Variants in SPATA13 observed in about 807,000 individuals in gnomAD.
SPATA13 encodes the protein spermatogenesis-associated protein 13.
In SPATA13, 50 loss-of-function variants were observed where a neutral mutation model predicts 104.0. The ratio of observed to expected loss-of-function variants is 0.48; its 90% CI spans 0.38 to 0.61. The LOEUF (loss-of-function observed/expected upper bound fraction) is 0.61, where lower values mean the gene tolerates loss of function less well. Among genes scored for constraint, SPATA13 ranks in the 20% least tolerant of loss-of-function variants. The pLI, the probability that SPATA13 is intolerant of heterozygous loss-of-function variation, is 0.00. For synonymous variants in SPATA13, 606 were observed against 667.5 expected, an observed-to-expected ratio of 0.91 and a Z score of 1.42; for missense variants, 1,524 against 1,690.6, an observed-to-expected ratio of 0.90 and a Z score of 1.73.
intron 2 of SPATA13, among the ~76,000 whole-genome samples, chr13:24,241,740 G>A (rs1449991313): frequency 6.6e-6 from 1 of 152,218 alleles, no homozygotes; most frequent in Non-Finnish European, 1.5e-5. Context: ...AAAGCAAAAG[G>A]CAGCTTTAGA....
intron 3 of SPATA13, among the ~76,000 whole-genome samples, chr13:24,131,618 G>C (rs1242404484): frequency 2.0e-5 from 3 of 152,226 alleles, no homozygotes; most frequent in Non-Finnish European, 4.4e-5. Context: ...CCATGTACTT[G>C]AAGTGGAAAA....
At chr13:24,109,433 C>T (rs1880565674) in intron 3 of SPATA13, among the ~76,000 whole-genome samples, 1 of 152,044 alleles carries the variant, frequency 6.6e-6, no homozygotes, top group Non-Finnish European at 1.5e-5. Flanking sequence ...GTCAATGTGT[C>T]TTTATAGTGC....
Position 24,080,767 on chromosome 13 carries a change from C to T in SPATA13, c.-112+63066C>T, listed in dbSNP as rs191165365. On this transcript the variant is annotated intron_variant, in intron 3 of 14. Coordinates refer to the SPATA13 transcript ENST00000424834. ...CTTCTGTGCCCTATGGCATGTGGAA[C>T]GTCCATCGCACATGTTAATGTTGTG... Among the ~76,000 whole-genome samples the T allele has an allele frequency of 1.4e-3, 209 of 152,304 alleles. 1 individual carries two copies. Among genetic ancestry groups the T allele is most frequent in the Middle Eastern group, 3.4e-3 (1 of 294 alleles).
rs1241908164 is a variant in SPATA13 at position 24,223,202 on chromosome 13, C to A, written c.273C>A (p.His91Gln). The change falls in exon 2 of 13, where the codon CAC becomes CAA. Residue 91 changes from histidine (H) to glutamine (Q), a missense_variant. By Grantham distance (24) the His-to-Gln change is conservative. Around this residue, in one of 2 missense-constraint regions of SPATA13, gnomAD observed 1,089 missense variants for 1,135.9 expected, o/e 0.96. Coordinates refer to ENST00000382108, the MANE Select transcript of SPATA13 (RefSeq NM_001166271.3). The stretch of plus-strand genomic sequence containing the variant: ...CGGGTGCCCACCCCGAGCGGCCCCA[C>A]TCCATGGTCCTGGTGGGGAACTCCT... The part of the protein sequence containing the change: ...KRTGAHPERP[H>Q]SMVLVGNSST... 2 of 1,551,724 alleles carry A rather than the reference C, an allele frequency of 1.3e-6. No homozygotes were observed. The highest frequency in any genetic ancestry group is 1.7e-6 in the Non-Finnish European group (2 of 1,147,012).
intron 1 of SPATA13, among the ~76,000 whole-genome samples, chr13:24,198,207 C>A (rs189857467): frequency 2.5e-4 from 38 of 152,208 alleles, no homozygotes; most frequent in East Asian, 1.2e-3. Flanking sequence ...GTTGGCCAGG[C>A]TGGTCTTGAA....
chr13:24,194,325 G>A (rs1028227022), intron 1 of SPATA13, among the ~76,000 whole-genome samples: 1 of 152,182 alleles, frequency 6.6e-6, no homozygotes, highest in Non-Finnish European at 1.5e-5. Context: ...AGTTAGCGCC[G>A]TTCAATCATC....
At chr13:24,256,871 C>G (rs1873816613) in intron 4 of SPATA13, among the ~76,000 whole-genome samples, 3 of 152,242 alleles carry the variant, frequency 2.0e-5, no homozygotes, top group Admixed American at 2.0e-4. Flanking sequence ...GTAAACACCA[C>G]TGCATTGTTG....
chr13:24,294,651 T>C, intron 9 of SPATA13, 88 bp from the exon 10 acceptor site: 2 of 1,427,840 alleles, frequency 1.4e-6, no homozygotes, highest in Non-Finnish European at 1.9e-6. Context: ...AGCATTCGTA[T>C]ACGAAGAAGC....
intron 3 of SPATA13, among the ~76,000 whole-genome samples, chr13:24,042,905 G>A (rs570648652): frequency 1.3e-5 from 2 of 152,314 alleles, no homozygotes; most frequent in Admixed American, 1.3e-4. Flanking sequence ...CCTACTGTCT[G>A]TTTAGATTTA....
rs1877393442 is a variant in SPATA13 at position 24,303,897 on chromosome 13, C to T, written c.*1124C>T. ...CTCCAGCCTGGGAGATACAGCGAGA[C>T]TGTCTCCAAAAACAAAAACAAAAAC... On this transcript the variant is annotated 3_prime_UTR_variant, in exon 13 of 13. Transcript: ENST00000382108. 1 of 152,242 alleles carries T rather than the reference C, an allele frequency of 6.6e-6. No individual in the cohort carries two copies. Among genetic ancestry groups the T allele is most frequent in the Non-Finnish European group, 1.5e-5 (1 of 68,054 alleles). The allele number at this position is 152,242 out of a possible 1,614,324, so 9.4% of individuals were successfully genotyped here.
rs1223548488 is a variant in SPATA13 at position 24,088,343 on chromosome 13, T to C, written c.-112+70642T>C. On this transcript the variant is annotated intron_variant, in intron 3 of 14. Transcript: ENST00000424834. This position sits in a 1 kb window ranked among gnomAD's most constrained non-coding sequence, Gnocchi z 4.3. ...ACTATTAAAGCATCTGAATTGGGATTAGAACATAAACCCAGCTGACTTCAA... is the reference window on the plus strand; with the variant it reads ...ACTATTAAAGCATCTGAATTGGGATCAGAACATAAACCCAGCTGACTTCAA... 6.6e-6 allele frequency among the ~76,000 whole-genome samples: 1 copy of C among 152,164 alleles called. No individual in the cohort carries two copies. The highest frequency in any genetic ancestry group is 1.9e-4 in the East Asian group (1 of 5,180).
intron 3 of SPATA13, among the ~76,000 whole-genome samples, chr13:24,250,391 A>G (rs1316758592): frequency 2.0e-5 from 3 of 152,214 alleles, no homozygotes; most frequent in Admixed American, 6.6e-5. Context: ...TAGTAATTCA[A>G]CAAATATTTA....
intron 1 of SPATA13, among the ~76,000 whole-genome samples, chr13:24,192,092 G>C (rs372873532): frequency 6.6e-6 from 1 of 152,040 alleles, no homozygotes; most frequent in Non-Finnish European, 1.5e-5. Context: ...CTTCTACCCC[G>C]ATCTGTGGCT....
At chr13:24,264,239 A>G (rs1244288882) in intron 4 of SPATA13, among the ~76,000 whole-genome samples, 3 of 152,208 alleles carry the variant, frequency 2.0e-5, no homozygotes, top group Admixed American at 2.0e-4. Context: ...TATTGAAAAT[A>G]TCGTCTGTCT....
chr13:23,991,161 G>C (rs569110830), intron 2 of SPATA13, among the ~76,000 whole-genome samples: 1 of 152,300 alleles, frequency 6.6e-6, no homozygotes, highest in South Asian at 2.1e-4. Flanking sequence ...TCCTGGTCAG[G>C]GCTGGTGAGG....
intron 3 of SPATA13, among the ~76,000 whole-genome samples, chr13:24,146,848 G>A (rs555508236): frequency 3.9e-5 from 6 of 151,902 alleles, no homozygotes; most frequent in South Asian, 2.1e-4. Context: ...CTTTACCACC[G>A]CATCCGTCCC....
chr13:24,070,372 C>G (rs991515397), intron 3 of SPATA13, among the ~76,000 whole-genome samples: 3 of 152,182 alleles, frequency 2.0e-5, no homozygotes, highest in African/African-American at 7.2e-5. Context: ...GCTCACTTCC[C>G]TCAGGGTAGG....
chr13:24,108,059 G>A lies in SPATA13; in HGVS notation c.-112+90358G>A, dbSNP rs573323784. Among the ~76,000 whole-genome samples, 547 of 152,322 alleles carry A rather than the reference G, an allele frequency of 3.6e-3. 6 individuals are homozygous for A. The highest frequency in any genetic ancestry group is 0.013 in the African/African-American group (532 of 41,570). ...ACTGGTAGGCTCGGTGTCTGGATAGGGCCTGATCCTGGCTTCCAAGAGGGG... is the reference window on the plus strand; with the variant it reads ...ACTGGTAGGCTCGGTGTCTGGATAGAGCCTGATCCTGGCTTCCAAGAGGGG... On this transcript the variant is annotated intron_variant, in intron 3 of 14. Coordinates refer to the SPATA13 transcript ENST00000424834.
At chr13:24,025,267 C>T (rs559652112) in intron 3 of SPATA13, among the ~76,000 whole-genome samples, 8 of 151,962 alleles carry the variant, frequency 5.3e-5, no homozygotes, top group South Asian at 2.1e-4. Flanking sequence ...TTTAAGTTAA[C>T]CATGCTGATA....
Sources: gnomAD v4.1 joint callset for allele counts (sites outside exome capture counted in the v4.1 genomes callset) on GRCh38, gnomAD v4.1.1 for gene constraint, gnomAD v4.1.1 regional missense constraint, Gnocchi (gnomAD v3.1) non-coding constraint, MANE v1.5 for transcripts, NCBI Gene and HGNC (gene_info 2026-07-23, HGNC 2026-07-21) for gene names.